ITGA9: variants seen among roughly 807,000 people sequenced by gnomAD.
ITGA9 encodes integrin alpha-9.
Under a neutral mutation model 127.8 loss-of-function variants are expected in ITGA9, and 56 were observed. The observed-to-expected ratio is 0.44, with a 90% CI of 0.35 to 0.55. The LOEUF (loss-of-function observed/expected upper bound fraction) is 0.55, where lower values mean the gene tolerates loss of function less well. ITGA9 is among the 20% of genes least tolerant of loss of function. The probability of loss-of-function intolerance (pLI) is 0.00; values close to 1 mark genes in which losing one functional copy is unlikely to be tolerated. For synonymous variants in ITGA9, 508 were observed against 514.5 expected (o/e 0.99, Z 0.17); for missense variants, 1,196 against 1,347.1 (o/e 0.89, Z 1.76).
intron 15 of ITGA9, among the ~76,000 whole-genome samples, chr3:37,584,279 C>T (rs1276748923): frequency 1.3e-5 from 2 of 152,188 alleles, no homozygotes; most frequent in Non-Finnish European, 2.9e-5. Flanking sequence ...CATGCAGAAA[C>T]ATGTGAGACC....
intron 8 of ITGA9, among the ~76,000 whole-genome samples, chr3:37,511,155 C>G (rs1698900986): frequency 6.6e-6 from 1 of 152,114 alleles, no homozygotes; most frequent in South Asian, 2.1e-4. Context: ...TGTATCCTGG[C>G]TTCCTATAAG....
intron 5 of ITGA9, among the ~76,000 whole-genome samples, chr3:37,502,965 T>C (rs1421125670): frequency 6.6e-6 from 1 of 152,188 alleles, no homozygotes; most frequent in East Asian, 1.9e-4. Context: ...CCTTGCTCAG[T>C]CTCTTCACAT....
At chr3:37,544,208 A>G (rs1426262942) in intron 15 of ITGA9, among the ~76,000 whole-genome samples, 1 of 152,140 alleles carries the variant, frequency 6.6e-6, no homozygotes, top group Non-Finnish European at 1.5e-5. Flanking sequence ...TGGCTATGAG[A>G]TGCCACGTAG....
intron 15 of ITGA9, among the ~76,000 whole-genome samples, chr3:37,613,852 T>G (rs542702667): frequency 7.2e-5 from 11 of 152,380 alleles, no homozygotes; most frequent in African/African-American, 2.6e-4. Context: ...TCATTGTAGA[T>G]TCTGGATATT....
At chr3:37,717,705 C>G (rs1225916644) in intron 18 of ITGA9, among the ~76,000 whole-genome samples, 1 of 152,124 alleles carries the variant, frequency 6.6e-6, no homozygotes, top group African/African-American at 2.4e-5. Flanking sequence ...CCACCAGATC[C>G]CTCCTTAAAT....
intron 15 of ITGA9, among the ~76,000 whole-genome samples, chr3:37,600,015 A>G (rs1699902642): frequency 1.3e-5 from 2 of 152,146 alleles, no homozygotes; most frequent in Admixed American, 6.5e-5. Flanking sequence ...GGAAAGGGAA[A>G]TGGACTATGT....
At chr3:37,677,202 G>A (rs760385777) in intron 17 of ITGA9, among the ~76,000 whole-genome samples, 12 of 152,268 alleles carry the variant, frequency 7.9e-5, no homozygotes, top group Middle Eastern at 6.8e-3. Context: ...AATTAACACC[G>A]TCTCTTAATT....
At position 37,760,203 on chromosome 3, in the gene ITGA9, C is replaced by T. The variant is rs562812325; in HGVS notation, c.2541+9634C>T. Among the ~76,000 whole-genome samples the T allele has an allele frequency of 2.8e-4, 42 of 151,416 alleles. No homozygotes were observed. In the South Asian group the frequency reaches 4.0e-3, roughly 14 times the overall value. ...GCTTGAACCCAGGAGGCGGAGGTTG[C>T]GGTGAGCCGAGATCACACCACTGCA... is the stretch of plus-strand genomic sequence containing the variant. On this transcript the variant is annotated intron_variant, in intron 23 of 27. Coordinates refer to ENST00000264741, the MANE Select transcript of ITGA9 (RefSeq NM_002207.3).
chr3:37,580,710 A>G (rs1699701590), intron 15 of ITGA9, among the ~76,000 whole-genome samples: 1 of 151,978 alleles, frequency 6.6e-6, no homozygotes, highest in Admixed American at 6.5e-5. Flanking sequence ...GTGCTCCTGT[A>G]TGGCCATTCT....
chr3:37,591,811 T>C (rs997125426), intron 15 of ITGA9, among the ~76,000 whole-genome samples: 7 of 152,202 alleles, frequency 4.6e-5, no homozygotes, highest in African/African-American at 1.7e-4. Context: ...TTGAGGGCCA[T>C]GTTTCTACCC....
intron 18 of ITGA9, among the ~76,000 whole-genome samples, chr3:37,706,244 G>A (rs1290244355): frequency 6.6e-6 from 1 of 152,144 alleles, no homozygotes; most frequent in African/African-American, 2.4e-5. Flanking sequence ...CTATCAATAT[G>A]CCCTCTCTCT....
chr3:37,698,497 T>G (rs542136139), intron 18 of ITGA9, among the ~76,000 whole-genome samples: 45 of 152,348 alleles, frequency 3.0e-4, no homozygotes, highest in African/African-American at 1.1e-3. Context: ...TTAATCTATC[T>G]TGAATTAATT....
Position 37,542,573 on chromosome 3 carries a change from G to A in ITGA9, c.1677G>A (p.Val559=). Residue 559 remains valine (V), a synonymous_variant, in exon 15 of 28, where the codon GTG becomes GTA. Transcript: ENST00000264741. ...TYMEETCRHY[V]AHVKRRVQDV... is the part of the protein sequence containing the mutation. ...TGGAGGAGACGTGTCGTCACTATGT[G>A]GCCCATGTGAAGGTCAGTCCTCTCC... The A allele has an allele frequency of 6.2e-7, 1 of 1,614,090 alleles. No individual in the cohort carries two copies. Among genetic ancestry groups the A allele is most frequent in the Non-Finnish European group, 8.5e-7 (1 of 1,179,994 alleles).
chr3:37,564,743 T>C (rs538663959), intron 15 of ITGA9, among the ~76,000 whole-genome samples: 1 of 152,350 alleles, frequency 6.6e-6, no homozygotes, highest in Non-Finnish European at 1.5e-5. Flanking sequence ...GATGCTGGGC[T>C]GAGCCCTGGG....
At chr3:37,507,812 G>A (rs1322786988) in intron 7 of ITGA9, among the ~76,000 whole-genome samples, 2 of 152,132 alleles carry the variant, frequency 1.3e-5, no homozygotes, top group East Asian at 3.9e-4. Flanking sequence ...CACTAAGATG[G>A]CAGTTCCTTA....
chr3:37,678,686 C>G (rs1394425552), intron 17 of ITGA9, among the ~76,000 whole-genome samples: 1 of 152,042 alleles, frequency 6.6e-6, no homozygotes, highest in Non-Finnish European at 1.5e-5. Flanking sequence ...TAAGGAAAAT[C>G]TAAGTGATCC....
chr3:37,769,586 C>T (rs555934507), intron 23 of ITGA9, among the ~76,000 whole-genome samples: 1 of 152,306 alleles, frequency 6.6e-6, no homozygotes, highest in Admixed American at 6.5e-5. Flanking sequence ...CACTGCTACC[C>T]AGCATTCATC....
chr3:37,598,116 A>G (rs1321580301), intron 15 of ITGA9, among the ~76,000 whole-genome samples: 1 of 152,238 alleles, frequency 6.6e-6, no homozygotes, highest in Non-Finnish European at 1.5e-5. Context: ...AGGAAAATTT[A>G]TCTCACTGGG....
chr3:37,601,369 G>C (rs1699920986), intron 15 of ITGA9, among the ~76,000 whole-genome samples: 1 of 152,208 alleles, frequency 6.6e-6, no homozygotes, highest in South Asian at 2.1e-4. Context: ...CAGCTGCAAA[G>C]AACACAGAGG....
Sources: gnomAD v4.1 joint callset for allele counts (sites outside exome capture counted in the v4.1 genomes callset) on GRCh38, gnomAD v4.1.1 for gene constraint, MANE v1.5 for transcripts, NCBI Gene and HGNC (gene_info 2026-07-23, HGNC 2026-07-21) for gene names.